MAP7: variants seen among roughly 807,000 people sequenced by gnomAD.
MAP7 encodes the protein ensconsin.
MAP7 carries 52 observed loss-of-function variants against 94.8 expected under a neutral mutation model. The ratio of observed to expected loss-of-function variants is 0.55; its 90% CI spans 0.44 to 0.69. The LOEUF is 0.69. Among genes scored for constraint, MAP7 ranks in the 30% least tolerant of loss-of-function variants. The pLI, the probability that MAP7 is intolerant of heterozygous loss-of-function variation, is 0.00. For missense variants in MAP7, 940 were observed against 964.6 expected (o/e 0.97, Z 0.34); for synonymous variants, 350 against 357.0 (o/e 0.98, Z 0.22).
intron 7 of MAP7, among the ~76,000 whole-genome samples, chr6:136,373,394 A>C (rs1258275070): frequency 1.3e-5 from 2 of 152,244 alleles, no homozygotes; most frequent in African/African-American, 4.8e-5. Flanking sequence ...TGTTGAATAG[A>C]ACAGAAATAT....
At position 136,360,776 on chromosome 6, in the gene MAP7, C is replaced by T. The variant is rs1449173091; in HGVS notation, c.1724G>A (p.Arg575His). 3.1e-6 allele frequency: 5 copies of T among 1,613,884 alleles called. No individual in the cohort carries two copies. The highest frequency in any genetic ancestry group is 3.4e-6 in the Non-Finnish European group (4 of 1,180,030). The change falls in exon 13 of 18, where the codon CGT becomes CAT. Residue 575 changes from arginine (R) to histidine (H), a missense_variant. Arg to His is a conservative substitution (Grantham distance 29). Transcript: ENST00000354570. ...CTGCCGGACCCTCTCTGCTTCTTCA[C>T]GAACGCGAGCTTCTTCTTCTTTCTG... is the stretch of plus-strand genomic sequence containing the variant. ...QRQKEEEARV[R>H]EEAERVRQER...
At chr6:136,507,350 A>AGG (rs987936872) in intron 1 of MAP7, among the ~76,000 whole-genome samples, 14 of 151,750 alleles carry the variant, frequency 9.2e-5, no homozygotes, top group African/African-American at 3.1e-4. Flanking sequence ...AAGGACGGGA[A>AGG]GGGGGGTAGT....
At chr6:136,395,666 C>T (rs1374506138) in intron 3 of MAP7, among the ~76,000 whole-genome samples, 1 of 152,036 alleles carries the variant, frequency 6.6e-6, no homozygotes, top group Non-Finnish European at 1.5e-5. Flanking sequence ...CCAATGCTTT[C>T]TTCTAGTAGT....
chr6:136,343,859 T>A lies in MAP7; in HGVS notation c.*369A>T, dbSNP rs3734551. ...TATTATAAAAGGTAAAAAATTTTTTTTGCCAATTTTACATGTTAAGCTTTT... is the reference window on the plus strand; with the variant it reads ...TATTATAAAAGGTAAAAAATTTTTTATGCCAATTTTACATGTTAAGCTTTT... On this transcript the variant is annotated 3_prime_UTR_variant, in exon 18 of 18. Transcript: ENST00000354570. 0.046 allele frequency: 7,435 copies of A among 159,956 alleles called. 358 individuals are homozygous for A. The highest frequency in any genetic ancestry group is 0.12 in the African/African-American group (5,072 of 41,872). The allele number at this position is 159,956 out of a possible 1,614,324, so 9.9% of individuals were successfully genotyped here.
intron 17 of MAP7, 76 bp from the exon 18 acceptor site, chr6:136,344,314 A>G: frequency 6.2e-6 from 4 of 641,424 alleles, no homozygotes; most frequent in Non-Finnish European, 7.1e-6. Flanking sequence ...TACCATAGTA[A>G]TACCTTAAAT....
At chr6:136,531,144 T>C (rs901145270) in intron 1 of MAP7, among the ~76,000 whole-genome samples, 1 of 145,074 alleles carries the variant, frequency 6.9e-6, no homozygotes, top group African/African-American at 2.9e-5. Flanking sequence ...ACTTTATTAA[T>C]GTGCACTACA....
chr6:136,379,408 AG>A (rs1196244301), intron 6 of MAP7, among the ~76,000 whole-genome samples: 26 of 152,322 alleles, frequency 1.7e-4, no homozygotes, highest in African/African-American at 5.8e-4. Context: ...TCTGACATTA[AG>A]ATTAATTAAA....
intron 1 of MAP7, among the ~76,000 whole-genome samples, chr6:136,538,557 A>G (rs571404489): frequency 1.4e-4 from 22 of 152,096 alleles, no homozygotes; most frequent in Non-Finnish European, 2.9e-4. Flanking sequence ...AGGCCGAGGC[A>G]GGAGGATCAC....
chr6:136,519,704 G>C (rs150359098), intron 1 of MAP7, among the ~76,000 whole-genome samples: 6 of 152,146 alleles, frequency 3.9e-5, no homozygotes, highest in Non-Finnish European at 7.4e-5. Context: ...AAGTGGGGGC[G>C]GGGGAGTACA....
chr6:136,351,249 A>AAC (rs1789116981), intron 16 of MAP7, among the ~76,000 whole-genome samples: 3 of 149,548 alleles, frequency 2.0e-5, no homozygotes, highest in Admixed American at 2.0e-4. Flanking sequence ...AAAAAAAAAA[A>AAC]AAAACGAAAA....
At chr6:136,434,560 C>T (rs1795850934) in intron 1 of MAP7, among the ~76,000 whole-genome samples, 1 of 151,088 alleles carries the variant, frequency 6.6e-6, no homozygotes. Flanking sequence ...AAACATGTTC[C>T]TTTTATTTTT....
At chr6:136,442,405 CAAA>C (rs549791806) in intron 1 of MAP7, among the ~76,000 whole-genome samples, 1,725 of 90,664 alleles carry the variant, frequency 0.019, 19 homozygotes, top group Non-Finnish European at 0.029. Flanking sequence ...ACTCTGTCTC[CAAA>C]AAAAAAAAAA....
chr6:136,485,409 G>C (rs967764601), intron 1 of MAP7, among the ~76,000 whole-genome samples: 1 of 152,142 alleles, frequency 6.6e-6, no homozygotes, highest in East Asian at 1.9e-4. Flanking sequence ...TGAATACCAT[G>C]TGGCAGTAAA....
rs556581452 is a variant in MAP7, at chr6:136,444,592, G to C, written c.68-22793C>G. ...TCACTTAATAATTTTCAGTGGTATA[G>C]AATAGTGATGTTTTCCTTAACCTGT... is the stretch of plus-strand genomic sequence containing the variant. On this transcript the variant is annotated intron_variant, in intron 1 of 17. Coordinates refer to ENST00000354570, the MANE Select transcript of MAP7 (RefSeq NM_003980.6). Among the ~76,000 whole-genome samples, 6 of 152,268 alleles carry C rather than the reference G, an allele frequency of 3.9e-5. No individual in the cohort carries two copies. In the South Asian group the frequency reaches 1.0e-3, roughly 26 times the overall value.
intron 16 of MAP7, among the ~76,000 whole-genome samples, chr6:136,347,436 C>T (rs998445154): frequency 2.0e-5 from 3 of 152,026 alleles, no homozygotes; most frequent in Non-Finnish European, 4.4e-5. Context: ...AGAAGGGTCT[C>T]ACTCTGTTGC....
At chr6:136,402,905 C>CAAAAAA (rs57114676) in intron 3 of MAP7, among the ~76,000 whole-genome samples, 43 of 67,392 alleles carry the variant, frequency 6.4e-4, no homozygotes, top group African/African-American at 6.8e-4. Flanking sequence ...GACTCTGTCT[C>CAAAAAA]AAAAAAAAAA....
chr6:136,522,418 A>G (rs2129048933), intron 1 of MAP7, among the ~76,000 whole-genome samples: 1 of 152,298 alleles, frequency 6.6e-6, no homozygotes, highest in East Asian at 1.9e-4. Context: ...CCACCATAGA[A>G]GGCCAGATGT....
At chr6:136,412,959 G>C (rs887444531) in intron 2 of MAP7, among the ~76,000 whole-genome samples, 7 of 151,816 alleles carry the variant, frequency 4.6e-5, no homozygotes, top group African/African-American at 1.5e-4. Context: ...TGAGGAGTTC[G>C]AGACCAGCCT....
At chr6:136,415,740 A>G (rs1489270931) in intron 2 of MAP7, among the ~76,000 whole-genome samples, 1 of 152,240 alleles carries the variant, frequency 6.6e-6, no homozygotes, top group Non-Finnish European at 1.5e-5. Context: ...TAAAAAACCA[A>G]ACTTTTATAC....
Sources: allele counts gnomAD v4.1 joint callset (sites outside exome capture counted in the v4.1 genomes callset), GRCh38; gene constraint gnomAD v4.1.1; transcripts MANE v1.5; gene names NCBI Gene and HGNC (gene_info 2026-07-23, HGNC 2026-07-21).